Variants in COL1A1 observed in about 807,000 individuals in gnomAD.
The protein encoded by COL1A1 is collagen alpha-1(I) chain.
Under a neutral mutation model 195.7 loss-of-function variants are expected in COL1A1, and 21 were observed. The observed-to-expected ratio is 0.11, with a 90% CI of 0.08 to 0.15. COL1A1 has a LOEUF of 0.15. Ranked by LOEUF, COL1A1 falls within the 10% of genes least tolerant of loss-of-function variation. COL1A1 has a pLI of 1.00. For synonymous variants in COL1A1, 749 were observed against 747.3 expected (o/e 1.00, Z -0.04); for missense variants, 1,365 against 2,051.0 (o/e 0.67, Z 6.46).
At position 50,190,323 on chromosome 17, in the gene COL1A1, T is replaced by G; in HGVS notation, c.2451+4A>C. 6.4e-7 allele frequency: 1 copy of G among 1,566,728 alleles called. No individual in the cohort carries two copies. Among genetic ancestry groups the G allele is most frequent in the Non-Finnish European group, 8.7e-7 (1 of 1,145,282 alleles). On this transcript the variant is annotated splice_donor_region_variant and intron_variant, in intron 35 of 50. Coordinates refer to ENST00000225964, the MANE Select transcript of COL1A1 (RefSeq NM_000088.4). The surrounding 1 kb of genome is among the most constrained non-coding windows in gnomAD (Gnocchi z 4.7). ...TGAAAAATGATGGGGGTCTTGGTACTCACAGGGGGGCCAGCAAAGCCAGCA... is the reference window on the plus strand; with the variant it reads ...TGAAAAATGATGGGGGTCTTGGTACGCACAGGGGGGCCAGCAAAGCCAGCA...
chr17:50,201,622 T>C lies in COL1A1; in HGVS notation c.-109A>G. 4 of 910,904 alleles carry C rather than the reference T, an allele frequency of 4.4e-6. No homozygotes were observed. In the South Asian group the frequency reaches 5.0e-5, roughly 11 times the overall value. The allele number at this position is 910,904 out of a possible 1,614,324, so 56.4% of individuals were successfully genotyped here. A position where few individuals can be genotyped will look rare whatever the true frequency, so the allele number is the denominator to read the frequency against. The stretch of plus-strand genomic sequence containing the variant: ...TCCTGCTCCGACCCCGAGGAGAAAC[T>C]CCCGTCTGCTCCGACGACTGGCCCG... On this transcript the variant is annotated 5_prime_UTR_variant, in exon 1 of 51. Transcript: ENST00000225964.
At position 50,189,513 on chromosome 17, in the gene COL1A1, G is replaced by T. The variant is rs1000386116; in HGVS notation, c.2693C>A (p.Pro898His). Reference protein sequence around the residue: ...PSGNAGPPGPPGPAGKEGGKG... With the variant: ...PSGNAGPPGPHGPAGKEGGKG... The stretch of plus-strand genomic sequence containing the variant: ...GCCGCCTTCTTTGCCAGCAGGACCA[G>T]GAGGGCCAGGGGGTCCAGCATTTCC... Residue 898 changes from proline (P) to histidine (H), a missense_variant, in exon 39 of 51, where the codon CCT (proline) becomes CAT (histidine). Transcript: ENST00000225964. This position sits in a 1 kb window ranked among gnomAD's most constrained non-coding sequence, Gnocchi z 5.5. 4 of 1,613,922 alleles carry T rather than the reference G, an allele frequency of 2.5e-6. No individual in the cohort carries two copies. The highest frequency in any genetic ancestry group is 2.5e-6 in the Non-Finnish European group (3 of 1,179,982).
rs201679090 is a variant in COL1A1, at chr17:50,187,072, G to A, written c.3474C>T (p.Leu1158=). 5 of 1,613,606 alleles carry A rather than the reference G, an allele frequency of 3.1e-6. No individual in the cohort carries two copies. The highest frequency in any genetic ancestry group is 4.2e-6 in the Non-Finnish European group (5 of 1,179,846). ...GACCAGGGGGCCCAATGGGGCCAGGGAGACCGTTGAGTCCATCTTTGCCAG... is the reference window on the plus strand; with the variant it reads ...GACCAGGGGGCCCAATGGGGCCAGGAAGACCGTTGAGTCCATCTTTGCCAG... ...GAPGKDGLNG[L]PGPIGPPGPR... Residue 1158 remains leucine, a synonymous_variant, in exon 47 of 51, where the codon CTC becomes CTT. Transcript: ENST00000225964.
At chr17:50,193,483 TC>T (rs1378858541) in intron 25 of COL1A1, 17 of 132,134 alleles carry the variant, frequency 1.3e-4, no homozygotes, top group African/African-American at 8.5e-4. Flanking sequence ...CTTTCTTTCT[TC>T]TTTTTTTTTT....
In COL1A1 at chr17:50,188,704, G is replaced by A; in HGVS notation, c.3099+38C>T. ...AGGGCCAGGATGGGGCAGGGAAGCAGCAGACAAGGCTGTGGTCATGGAGTG... is the reference window on the plus strand; with the variant it reads ...AGGGCCAGGATGGGGCAGGGAAGCAACAGACAAGGCTGTGGTCATGGAGTG... On this transcript the variant is annotated intron_variant, in intron 42 of 50. Transcript: ENST00000225964. This position sits in a 1 kb window ranked among gnomAD's most constrained non-coding sequence, Gnocchi z 5.6. 1 of 1,613,604 alleles carries A rather than the reference G, an allele frequency of 6.2e-7. No homozygotes were observed. The highest frequency in any genetic ancestry group is 1.1e-5 in the South Asian group (1 of 91,084).
chr17:50,186,518 G>A lies in COL1A1; in HGVS notation c.3815-11C>T. 1 of 1,614,142 alleles carries A rather than the reference G, an allele frequency of 6.2e-7. No individual in the cohort carries two copies. The highest frequency in any genetic ancestry group is 1.7e-5 in the Admixed American group (1 of 60,026). ...CAATCCAGTACTCTCCTGTGGTAGG[G>A]CAGGGCAAGATGGAGTCAGGGAAAG... On this transcript the variant is annotated splice_polypyrimidine_tract_variant and intron_variant, in intron 48 of 50. Coordinates refer to ENST00000225964, the MANE Select transcript of COL1A1 (RefSeq NM_000088.4). The surrounding 1 kb of genome is among the most constrained non-coding windows in gnomAD (Gnocchi z 5.3).
Position 50,189,355 on chromosome 17 carries a change from A to C in COL1A1, c.2829+22T>G. On this transcript the variant is annotated intron_variant, in intron 39 of 50. Transcript: ENST00000225964. The surrounding 1 kb of genome is among the most constrained non-coding windows in gnomAD (Gnocchi z 5.5). ...CAGCTCTGCACACCTCCGGAGCTGCAGAGATCTGAGCTGGCACTTACAGCA... is the reference window on the plus strand; with the variant it reads ...CAGCTCTGCACACCTCCGGAGCTGCCGAGATCTGAGCTGGCACTTACAGCA... 6.2e-7 allele frequency: 1 copy of C among 1,613,866 alleles called. No homozygotes were observed. Among genetic ancestry groups the C allele is most frequent in the Non-Finnish European group, 8.5e-7 (1 of 1,179,982 alleles).
Position 50,188,498 on chromosome 17 carries a change from C to A in COL1A1, c.3207+32G>T. The A allele has an allele frequency of 6.3e-7, 1 of 1,594,928 alleles. No homozygotes were observed. The highest frequency in any genetic ancestry group is 2.2e-5 in the East Asian group (1 of 44,798). Reference sequence around the variant, plus strand: ...AGGCCTGAAGAGTCCCTGGCCTGACCAGGTACAGGGAACTGGAGCCCAGCT... The same window carrying A: ...AGGCCTGAAGAGTCCCTGGCCTGACAAGGTACAGGGAACTGGAGCCCAGCT... On this transcript the variant is annotated intron_variant, in intron 43 of 50. Coordinates refer to ENST00000225964, the MANE Select transcript of COL1A1 (RefSeq NM_000088.4). This position sits in a 1 kb window ranked among gnomAD's most constrained non-coding sequence, Gnocchi z 5.6.
chr17:50,200,150 CTCTT>C (rs1286931805), intron 1 of COL1A1: 9 of 632,362 alleles, frequency 1.4e-5, no homozygotes. Context: ...GAGGCTGTAA[CTCTT>C]TCCAGTTCTC....
chr17:50,201,090 G>A (rs2144599057), intron 1 of COL1A1, among the ~76,000 whole-genome samples: 1 of 152,268 alleles, frequency 6.6e-6, no homozygotes, highest in East Asian at 1.9e-4. Flanking sequence ...GCCCCGCTCG[G>A]CGCCCCCATC....
In COL1A1 at chr17:50,195,640, C is replaced by T. The variant is rs1253450294; in HGVS notation, c.1082G>A (p.Arg361Gln). The change falls in exon 17 of 51, where the codon CGA becomes CAA. Residue 361 changes from arginine to glutamine, a missense_variant. Physicochemically the swap from Arg to Gln is conservative, Grantham distance 43. Around this residue, in one of 5 missense-constraint regions of COL1A1, gnomAD observed 226 missense variants for 372.9 expected, o/e 0.61. Transcript: ENST00000225964. This position sits in a 1 kb window ranked among gnomAD's most constrained non-coding sequence, Gnocchi z 4.3. Reference protein sequence around the residue: ...AKGEAGPQGPRGSEGPQGVRG... With the variant: ...AKGEAGPQGPQGSEGPQGVRG... Reference sequence around the variant, plus strand: ...CACACCCTGGGGACCTTCAGAGCCTCGGGGCCCTTGGGGACCAGCTTCACC... The same window carrying T: ...CACACCCTGGGGACCTTCAGAGCCTTGGGGCCCTTGGGGACCAGCTTCACC... The T allele has an allele frequency of 9.3e-6, 15 of 1,613,626 alleles. No homozygotes were observed. The highest frequency in any genetic ancestry group is 2.2e-5 in the East Asian group (1 of 44,838).
At position 50,189,290 on chromosome 17, in the gene COL1A1, C is replaced by G. The variant is rs780348912; in HGVS notation, c.2830-15G>C. Reference sequence around the variant, plus strand: ...CCAGGAGCACCCTTTGGGAGGCAAACAGGGGTGAGGTGCCAGAGAGCAGCA... The same window carrying G: ...CCAGGAGCACCCTTTGGGAGGCAAAGAGGGGTGAGGTGCCAGAGAGCAGCA... On this transcript the variant is annotated splice_polypyrimidine_tract_variant and intron_variant, in intron 39 of 50. Transcript: ENST00000225964. This position sits in a 1 kb window ranked among gnomAD's most constrained non-coding sequence, Gnocchi z 5.5. The G allele has an allele frequency of 6.2e-7, 1 of 1,613,952 alleles. No individual in the cohort carries two copies. Among genetic ancestry groups the G allele is most frequent in the Non-Finnish European group, 8.5e-7 (1 of 1,179,948 alleles).
rs199769922 is a variant in COL1A1 at position 50,189,347 on chromosome 17, G to A, written c.2829+30C>T. On this transcript the variant is annotated intron_variant, in intron 39 of 50. Transcript: ENST00000225964. This position sits in a 1 kb window ranked among gnomAD's most constrained non-coding sequence, Gnocchi z 5.5. ...CCCCTCCCCAGCTCTGCACACCTCC[G>A]GAGCTGCAGAGATCTGAGCTGGCAC... is the stretch of plus-strand genomic sequence containing the variant. 6.2e-4 allele frequency: 1,005 copies of A among 1,613,724 alleles called. 14 individuals are homozygous for A. The South Asian group carries it at 1.0e-2, about 16-fold the overall frequency.
At position 50,194,560 on chromosome 17, in the gene COL1A1, A is replaced by C; in HGVS notation, c.1515+13T>G. The C allele has an allele frequency of 6.3e-7, 1 of 1,596,554 alleles. No homozygotes were observed. The highest frequency in any genetic ancestry group is 2.3e-5 in the East Asian group (1 of 43,828). On this transcript the variant is annotated intron_variant, in intron 22 of 50. Coordinates refer to ENST00000225964, the MANE Select transcript of COL1A1 (RefSeq NM_000088.4). The surrounding 1 kb of genome is among the most constrained non-coding windows in gnomAD (Gnocchi z 6.8). Reference sequence around the variant, plus strand: ...GCGGCAGGGTCAGCCCCCCGGCCGCAAGGAGAGGTTACCTTGGGACCAGCA... The same window carrying C: ...GCGGCAGGGTCAGCCCCCCGGCCGCCAGGAGAGGTTACCTTGGGACCAGCA...
In COL1A1 at chr17:50,194,506, G is replaced by T; in HGVS notation, c.1516-59C>A. 6.2e-7 allele frequency: 1 copy of T among 1,612,844 alleles called. No homozygotes were observed. The highest frequency in any genetic ancestry group is 1.1e-5 in the South Asian group (1 of 91,058). ...CTCAAGTTTGTGGCTCTTTGCCACGGGCCAAAAGAGGAAGAAGATGCCCAG... is the reference window on the plus strand; with the variant it reads ...CTCAAGTTTGTGGCTCTTTGCCACGTGCCAAAAGAGGAAGAAGATGCCCAG... On this transcript the variant is annotated intron_variant, in intron 22 of 50. Coordinates refer to ENST00000225964, the MANE Select transcript of COL1A1 (RefSeq NM_000088.4). The surrounding 1 kb of genome is among the most constrained non-coding windows in gnomAD (Gnocchi z 6.8).
At position 50,184,489 on chromosome 17, in the gene COL1A1, A is replaced by G. The variant is rs1399648498; in HGVS notation, c.*1013T>C. 4.3e-5 allele frequency: 10 copies of G among 230,316 alleles called. No homozygotes were observed. The highest frequency in any genetic ancestry group is 3.6e-4 in the South Asian group (2 of 5,506). 14.3% of individuals were successfully genotyped at this position (230,316 alleles called of 1,614,324 possible). Reference sequence around the variant, plus strand: ...GTCCCCATCCACAAAAAAAAAAAAAAAAAAAGAAAAATATCAAGGAATAAA... The same window carrying G: ...GTCCCCATCCACAAAAAAAAAAAAAGAAAAAGAAAAATATCAAGGAATAAA... On this transcript the variant is annotated 3_prime_UTR_variant, in exon 51 of 51. Transcript: ENST00000225964.
In COL1A1 at chr17:50,185,415, G is replaced by T; in HGVS notation, c.*87C>A. 2 of 1,521,828 alleles carry T rather than the reference G, an allele frequency of 1.3e-6. No individual in the cohort carries two copies. The highest frequency in any genetic ancestry group is 1.1e-5 in the South Asian group (1 of 88,706). The allele number at this position is 1,521,828 out of a possible 1,614,324, so 94.3% of individuals were successfully genotyped here. A position where few individuals can be genotyped will look rare whatever the true frequency, so the allele number is the denominator to read the frequency against. On this transcript the variant is annotated 3_prime_UTR_variant, in exon 51 of 51. Transcript: ENST00000225964. Reference sequence around the variant, plus strand: ...TTGTCTCCCATTTTTTGGCTTTTGAGGGGGTTCAGTTTGGGTTGCTTGTCT... The same window carrying T: ...TTGTCTCCCATTTTTTGGCTTTTGATGGGGTTCAGTTTGGGTTGCTTGTCT...
Position 50,194,052 on chromosome 17 carries a change from G to A in COL1A1, c.1669-11C>T. On this transcript the variant is annotated splice_polypyrimidine_tract_variant and intron_variant, in intron 24 of 50. Coordinates refer to ENST00000225964, the MANE Select transcript of COL1A1 (RefSeq NM_000088.4). This position sits in a 1 kb window ranked among gnomAD's most constrained non-coding sequence, Gnocchi z 6.8. ...TTGACCGGCGGGACCCTAAGGATGG[G>A]AGGCACGAAAGCAGCAGTGAGGACA... 6.2e-7 allele frequency: 1 copy of A among 1,613,640 alleles called. No homozygotes were observed.
chr17:50,187,098 G>A lies in COL1A1; in HGVS notation c.3448C>T (p.Pro1150Ser), dbSNP rs761012075. 1.2e-6 allele frequency: 2 copies of A among 1,612,352 alleles called. No homozygotes were observed. Among genetic ancestry groups the A allele is most frequent in the East Asian group, 2.2e-5 (1 of 44,786 alleles). The change falls in exon 47 of 51, where the codon CCT (proline) becomes TCT (serine). Residue 1150 changes from proline to serine, a missense_variant. Coordinates refer to ENST00000225964, the MANE Select transcript of COL1A1 (RefSeq NM_000088.4). ...PRGPPGSAGA[P>S]GKDGLNGLPG... ...AGACCGTTGAGTCCATCTTTGCCAG[G>A]AGCACCAGCAGAGCCAGGGGGACCC...
Sources: gnomAD v4.1 joint callset for allele counts (sites outside exome capture counted in the v4.1 genomes callset) on GRCh38, gnomAD v4.1.1 for gene constraint, gnomAD v4.1.1 regional missense constraint, Gnocchi (gnomAD v3.1) non-coding constraint, MANE v1.5 for transcripts, NCBI Gene and HGNC (gene_info 2026-07-23, HGNC 2026-07-21) for gene names.